Variants in PIAS1 observed in about 807,000 individuals in gnomAD.
PIAS1 encodes E3 SUMO-protein ligase PIAS1.
Under a neutral mutation model 71.3 loss-of-function variants are expected in PIAS1, and 6 were observed. The ratio of observed to expected loss-of-function variants is 0.08; its 90% CI spans 0.05 to 0.17. The LOEUF is 0.17. Among genes scored for constraint, PIAS1 ranks in the 10% least tolerant of loss-of-function variants. The probability of loss-of-function intolerance (pLI) is 1.00; values close to 1 mark genes in which losing one functional copy is unlikely to be tolerated. For missense variants in PIAS1, 555 were observed against 793.6 expected (o/e 0.70, Z 3.61); for synonymous variants, 303 against 292.9 (o/e 1.03, Z -0.35).
At chr15:68,164,530 C>T (rs2092944621) in intron 7 of PIAS1, among the ~76,000 whole-genome samples, 2 of 152,166 alleles carry the variant, frequency 1.3e-5, no homozygotes, top group Non-Finnish European at 2.9e-5. Context: ...GAAACATAGT[C>T]ATTCTACAGA....
intron 2 of PIAS1, among the ~76,000 whole-genome samples, chr15:68,131,781 G>A (rs1256513199): frequency 5.3e-5 from 8 of 152,036 alleles, no homozygotes; most frequent in Admixed American, 3.9e-4. Context: ...GGTTGATTCC[G>A]TACTTGGTAT....
At chr15:68,128,583 A>T (rs2029422) in intron 2 of PIAS1, among the ~76,000 whole-genome samples, 72,215 of 151,366 alleles carry the variant, frequency 0.48, 18,031 homozygotes, top group Middle Eastern at 0.56. Context: ...CTAAAAAAAA[A>T]TTTTTTTTGG....
chr15:68,067,704 G>A (rs1458596970), intron 1 of PIAS1, among the ~76,000 whole-genome samples: 1 of 151,968 alleles, frequency 6.6e-6, no homozygotes, highest in Non-Finnish European at 1.5e-5. Flanking sequence ...AAGCTAGGTT[G>A]CTTTTTTAAA....
At chr15:68,131,817 G>GTGCTGCAAT (rs2092689333) in intron 2 of PIAS1, among the ~76,000 whole-genome samples, 1 of 152,060 alleles carries the variant, frequency 6.6e-6, no homozygotes, top group Non-Finnish European at 1.5e-5. Context: ...AATGAACATG[G>GTGCTGCAAT]GAGTGTAGAC....
intron 1 of PIAS1, among the ~76,000 whole-genome samples, chr15:68,075,577 C>T (rs1381831111): frequency 2.0e-5 from 3 of 152,000 alleles, no homozygotes; most frequent in Non-Finnish European, 4.4e-5. Context: ...AATTATTTCT[C>T]TTATCTGTAA....
At chr15:68,143,622 A>G (rs983559851) in intron 4 of PIAS1, among the ~76,000 whole-genome samples, 10 of 152,132 alleles carry the variant, frequency 6.6e-5, no homozygotes, top group African/African-American at 2.4e-4. Context: ...AAATTAAAGG[A>G]CAAAAATAAG....
intron 7 of PIAS1, among the ~76,000 whole-genome samples, chr15:68,158,443 A>C (rs1365698057): frequency 6.6e-6 from 1 of 152,136 alleles, no homozygotes; most frequent in African/African-American, 2.4e-5. Flanking sequence ...CAGAACCCCC[A>C]AAATTGATGA....
chr15:68,068,821 C>CA (rs1307291992), intron 1 of PIAS1, among the ~76,000 whole-genome samples: 1 of 151,378 alleles, frequency 6.6e-6, no homozygotes, highest in East Asian at 2.0e-4. Context: ...GTTGAATCGT[C>CA]AGAGTTATGA....
intron 1 of PIAS1, among the ~76,000 whole-genome samples, chr15:68,083,597 G>A (rs982607325): frequency 3.9e-5 from 6 of 151,950 alleles, no homozygotes; most frequent in African/African-American, 1.2e-4. Flanking sequence ...CATGTGGTTC[G>A]TTTCCTCTTA....
rs374796602 is a variant in PIAS1, at chr15:68,168,200, G to A, written c.1008+3396G>A. ...ATTTTTGTATTTTCAGTGGAGATGAGGTTTCACCATGTTGGCTAGGCTAGT... is the reference window on the plus strand; with the variant it reads ...ATTTTTGTATTTTCAGTGGAGATGAAGTTTCACCATGTTGGCTAGGCTAGT... On this transcript the variant is annotated intron_variant, in intron 8 of 13. Transcript: ENST00000249636. 3.6e-3 allele frequency among the ~76,000 whole-genome samples: 543 copies of A among 151,896 alleles called. 5 individuals are homozygous for A. The highest frequency in any genetic ancestry group is 0.012 in the African/African-American group (511 of 41,366).
At chr15:68,176,768 C>A in intron 11 of PIAS1, 114 bp downstream of exon 11, 1 of 775,964 alleles carries the variant, frequency 1.3e-6, no homozygotes, top group Non-Finnish European at 2.0e-6. Context: ...ACTTAGCAAT[C>A]AAAGAATAGT....
chr15:68,125,276 AT>A (rs1381238318), intron 2 of PIAS1, among the ~76,000 whole-genome samples: 2 of 152,044 alleles, frequency 1.3e-5, no homozygotes, highest in African/African-American at 4.8e-5. Flanking sequence ...AATTCTGTCA[AT>A]TTCATGTTCT....
intron 12 of PIAS1, among the ~76,000 whole-genome samples, chr15:68,182,374 G>A (rs748392766): frequency 2.7e-5 from 4 of 149,012 alleles, no homozygotes; most frequent in Non-Finnish European, 5.9e-5. Flanking sequence ...AACATAAAGT[G>A]AAAGTTTCCC....
intron 6 of PIAS1, among the ~76,000 whole-genome samples, chr15:68,152,894 C>CTT (rs1158437969): frequency 7.0e-6 from 1 of 142,352 alleles, no homozygotes; most frequent in African/African-American, 2.7e-5. Context: ...TTGGTTTTGG[C>CTT]TTTTCTTTTT....
intron 2 of PIAS1, among the ~76,000 whole-genome samples, chr15:68,105,105 A>G (rs889323723): frequency 1.3e-5 from 2 of 152,204 alleles, no homozygotes; most frequent in Non-Finnish European, 2.9e-5. Flanking sequence ...AGCTGTAACA[A>G]TATTTAATTT....
rs1441396519 is a variant in PIAS1 at position 68,054,343 on chromosome 15, A to G, written c.17A>G (p.Glu6Gly). The G allele has an allele frequency of 6.3e-7, 1 of 1,577,452 alleles. No individual in the cohort carries two copies. Among genetic ancestry groups the G allele is most frequent in the South Asian group, 1.2e-5 (1 of 86,042 alleles). Residue 6 changes from glutamate (E) to glycine (G), a missense_variant, in exon 1 of 14, where the codon GAA becomes GGA. Glu to Gly is a moderately conservative substitution (Grantham distance 98). Around this residue, in one of 5 missense-constraint regions of PIAS1, gnomAD observed 48 missense variants for 86.6 expected, o/e 0.55. Transcript: ENST00000249636. The surrounding 1 kb of genome is among the most constrained non-coding windows in gnomAD (Gnocchi z 4.6). ...AGACGCAAGATGGCGGACAGTGCGGAACTAAAGGTAAAGCGCAGCTCGAAT... is the reference window on the plus strand; with the variant it reads ...AGACGCAAGATGGCGGACAGTGCGGGACTAAAGGTAAAGCGCAGCTCGAAT... MADSA[E>G]LKQMVMSLRV...
At position 68,059,253 on chromosome 15, in the gene PIAS1, C is replaced by T. The variant is rs532748882; in HGVS notation, c.24+4903C>T. 3.0e-4 allele frequency among the ~76,000 whole-genome samples: 46 copies of T among 152,048 alleles called. No individual in the cohort carries two copies. In the Middle Eastern group the frequency reaches 0.01, roughly 34 times the overall value. On this transcript the variant is annotated intron_variant, in intron 1 of 13. Transcript: ENST00000249636. ...CGATCTCCTGACCTTGTGATTTGCCCGTCTCGGCCTCCCAAAGTGCTGAGA... is the reference window on the plus strand; with the variant it reads ...CGATCTCCTGACCTTGTGATTTGCCTGTCTCGGCCTCCCAAAGTGCTGAGA...
At chr15:68,170,654 T>C (rs184114334) in intron 8 of PIAS1, among the ~76,000 whole-genome samples, 29 of 152,312 alleles carry the variant, frequency 1.9e-4, no homozygotes, top group African/African-American at 6.5e-4. Flanking sequence ...TGTAACTTTT[T>C]TTTTGAGACA....
At chr15:68,144,620 A>T (rs1047361822) in intron 4 of PIAS1, among the ~76,000 whole-genome samples, 1 of 152,104 alleles carries the variant, frequency 6.6e-6, no homozygotes, top group Non-Finnish European at 1.5e-5. Context: ...CCTTTTAACT[A>T]TTGCAGCCTA....
Sources: gnomAD v4.1 joint callset for allele counts (sites outside exome capture counted in the v4.1 genomes callset) on GRCh38, gnomAD v4.1.1 for gene constraint, gnomAD v4.1.1 regional missense constraint, Gnocchi (gnomAD v3.1) non-coding constraint, MANE v1.5 for transcripts, NCBI Gene and HGNC (gene_info 2026-07-23, HGNC 2026-07-21) for gene names.